PLLP: variants seen among roughly 807,000 people sequenced by gnomAD.
PLLP encodes the protein plasma membrane proteolipid (plasmolipin).
Under a neutral mutation model 19.7 loss-of-function variants are expected in PLLP, and 15 were observed. The observed-to-expected ratio is 0.76, with a 90% CI of 0.51 to 1.17. The LOEUF (loss-of-function observed/expected upper bound fraction) is 1.17, where lower values mean the gene tolerates loss of function less well. Among genes scored for constraint, PLLP ranks in the 50% most tolerant of loss-of-function variants. The pLI is 0.00. For missense variants in PLLP, 255 were observed against 258.3 expected (o/e 0.99, Z 0.09); for synonymous variants, 111 against 116.3 (o/e 0.95, Z 0.29).
At position 57,264,351 on chromosome 16, in the gene PLLP, C is replaced by T. The variant is rs1597960447; in HGVS notation, c.136-2281G>A. ...AGCTTGGAAGTCAAAAGCTGTGTGGCTGTGTGATGCTGACCGAGTACCTTC... is the reference window on the plus strand; with the variant it reads ...AGCTTGGAAGTCAAAAGCTGTGTGGTTGTGTGATGCTGACCGAGTACCTTC... On this transcript the variant is annotated intron_variant, in intron 1 of 3. Coordinates refer to ENST00000219207, the MANE Select transcript of PLLP (RefSeq NM_015993.3). 3.9e-5 allele frequency among the ~76,000 whole-genome samples: 6 copies of T among 152,348 alleles called. No individual in the cohort carries two copies. In the South Asian group the frequency reaches 1.2e-3, roughly 32 times the overall value.
intron 3 of PLLP, among the ~76,000 whole-genome samples, chr16:57,258,200 C>T (rs2075431697): frequency 6.6e-6 from 1 of 152,160 alleles, no homozygotes; most frequent in Non-Finnish European, 1.5e-5. Context: ...CACCGCACTC[C>T]AGCCTGGGCA....
chr16:57,280,429 A>G lies in PLLP; in HGVS notation c.135+3977T>C, dbSNP rs142598323. Among the ~76,000 whole-genome samples, 86 of 152,306 alleles carry G rather than the reference A, an allele frequency of 5.6e-4. 1 individual carries two copies. In the East Asian group the frequency reaches 0.015, roughly 26 times the overall value. On this transcript the variant is annotated intron_variant, in intron 1 of 3. Transcript: ENST00000219207. ...AGGCTTTGGGAGCTCCCCATAAGCA[A>G]ATAACCACGCCTTCTGCATTCTTCC... is the stretch of plus-strand genomic sequence containing the variant.
chr16:57,280,115 C>T (rs1280172828), intron 1 of PLLP, among the ~76,000 whole-genome samples: 1 of 152,200 alleles, frequency 6.6e-6, no homozygotes, highest in African/African-American at 2.4e-5. Context: ...ATGAGTCTCC[C>T]TTCCTGCAGT....
chr16:57,284,494 G>T lies in PLLP; in HGVS notation c.47C>A (p.Ala16Glu). The T allele has an allele frequency of 1.4e-6, 2 of 1,431,574 alleles. No homozygotes were observed. Among genetic ancestry groups the T allele is most frequent in the Non-Finnish European group, 9.2e-7 (1 of 1,084,358 alleles). The allele number at this position is 1,431,574 out of a possible 1,614,324, so 88.7% of individuals were successfully genotyped here. ...CGACACCGAGGCTTCGGCGCCCTGC[G>T]CAGGACTGCTGGTCCGCGTGCTAAC... Reference protein sequence around the residue: ...SKVSTRTSSPAQGAEASVSAL... With the variant: ...SKVSTRTSSPEQGAEASVSAL... Residue 16 changes from alanine (A) to glutamate (E), a missense_variant, in exon 1 of 4, where the codon GCG becomes GAG. By Grantham distance (107) the Ala-to-Glu change is moderately radical. Transcript: ENST00000219207.
At chr16:57,280,570 A>G (rs1189450924) in intron 1 of PLLP, among the ~76,000 whole-genome samples, 1 of 152,170 alleles carries the variant, frequency 6.6e-6, no homozygotes, top group Non-Finnish European at 1.5e-5. Context: ...AAGAGAAAAC[A>G]AAACAAAACA....
At chr16:57,276,255 G>C (rs553771926) in intron 1 of PLLP, among the ~76,000 whole-genome samples, 1 of 151,494 alleles carries the variant, frequency 6.6e-6, no homozygotes, top group Non-Finnish European at 1.5e-5. Flanking sequence ...TCAGGAGTTC[G>C]AGGCCAGTCT....
chr16:57,260,958 C>T (rs1344054302), intron 2 of PLLP, among the ~76,000 whole-genome samples: 3 of 152,226 alleles, frequency 2.0e-5, no homozygotes, highest in Non-Finnish European at 2.9e-5. Context: ...CAAACTCACA[C>T]AACACAGGCA....
intron 3 of PLLP, among the ~76,000 whole-genome samples, 190 bp from the exon 4 acceptor site, chr16:57,257,219 C>G (rs112598534): frequency 0.01 from 1,567 of 152,286 alleles, 34 homozygotes; most frequent in African/African-American, 0.035. Flanking sequence ...TACCTTCTAA[C>G]CATGGGAAAC....
chr16:57,268,730 C>T (rs1211245331), intron 1 of PLLP, among the ~76,000 whole-genome samples: 1 of 152,136 alleles, frequency 6.6e-6, no homozygotes, highest in Non-Finnish European at 1.5e-5. Context: ...TTAACTGATC[C>T]TCCTGCCTGG....
intron 1 of PLLP, among the ~76,000 whole-genome samples, chr16:57,264,587 G>A (rs756612788): frequency 2.0e-5 from 3 of 152,242 alleles, no homozygotes; most frequent in East Asian, 1.9e-4. Flanking sequence ...GCTTATGCCT[G>A]TAATCCTAGC....
At chr16:57,265,288 G>A (rs1319241883) in intron 1 of PLLP, among the ~76,000 whole-genome samples, 3 of 152,266 alleles carry the variant, frequency 2.0e-5, no homozygotes, top group East Asian at 1.9e-4. Flanking sequence ...CACACCTGGA[G>A]AGGCCACGAA....
intron 1 of PLLP, among the ~76,000 whole-genome samples, chr16:57,265,145 G>A (rs1444622114): frequency 6.6e-6 from 1 of 152,272 alleles, no homozygotes; most frequent in African/African-American, 2.4e-5. Flanking sequence ...GGCCAGGTGA[G>A]GGTAGGCAGG....
intron 2 of PLLP, among the ~76,000 whole-genome samples, chr16:57,260,472 C>T (rs1361405172): frequency 1.3e-5 from 2 of 152,156 alleles, no homozygotes; most frequent in Admixed American, 6.6e-5. Flanking sequence ...GCAAGCCCAG[C>T]GACCCCTGCA....
intron 1 of PLLP, among the ~76,000 whole-genome samples, chr16:57,278,114 C>A (rs557594421): frequency 1.5e-4 from 23 of 152,174 alleles, no homozygotes; most frequent in African/African-American, 4.8e-4. Context: ...CAGAGACAGG[C>A]AGATCACCTG....
chr16:57,264,053 C>T (rs1473030919), intron 1 of PLLP, among the ~76,000 whole-genome samples: 1 of 152,142 alleles, frequency 6.6e-6, no homozygotes, highest in Non-Finnish European at 1.5e-5. Context: ...TGCCGCCAGC[C>T]CCTAGAGCAC....
chr16:57,266,727 CTG>C (rs1199226404), intron 1 of PLLP, among the ~76,000 whole-genome samples: 2 of 152,062 alleles, frequency 1.3e-5, no homozygotes, highest in Non-Finnish European at 2.9e-5. Flanking sequence ...GAATATCTAA[CTG>C]TCTCTCTCCT....
chr16:57,278,225 A>G (rs1901177200), intron 1 of PLLP, among the ~76,000 whole-genome samples: 2 of 152,152 alleles, frequency 1.3e-5, no homozygotes, highest in African/African-American at 4.8e-5. Context: ...CTGTAGTCCC[A>G]GCTATTCGGG....
intron 1 of PLLP, among the ~76,000 whole-genome samples, chr16:57,282,363 C>A (rs1901231054): frequency 2.0e-5 from 3 of 151,986 alleles, no homozygotes; most frequent in Admixed American, 6.6e-5. Flanking sequence ...CTACCTCAGC[C>A]TCCCAAGTAG....
At chr16:57,263,590 T>C (rs564010971) in intron 1 of PLLP, among the ~76,000 whole-genome samples, 1 of 152,302 alleles carries the variant, frequency 6.6e-6, no homozygotes, top group South Asian at 2.1e-4. Context: ...TGCGGCAGGT[T>C]TGTCGACTCA....
Sources: allele counts gnomAD v4.1 joint callset (sites outside exome capture counted in the v4.1 genomes callset), GRCh38; gene constraint gnomAD v4.1.1; transcripts MANE v1.5; gene names NCBI Gene and HGNC (gene_info 2026-07-23, HGNC 2026-07-21).